GPC6: variants seen among roughly 807,000 people sequenced by gnomAD.
GPC6 encodes the protein glypican-6.
In GPC6, 14 loss-of-function variants were observed where a neutral mutation model predicts 55.2. The observed-to-expected ratio is 0.25, with a 90% CI of 0.17 to 0.40. The LOEUF is 0.40. Among genes scored for constraint, GPC6 ranks in the 10% least tolerant of loss-of-function variants. The probability of loss-of-function intolerance (pLI) is 1.00; values close to 1 mark genes in which losing one functional copy is unlikely to be tolerated. For missense variants in GPC6, 641 were observed against 708.5 expected (o/e 0.90, Z 1.08); for synonymous variants, 278 against 259.6 (o/e 1.07, Z -0.68).
intron 5 of GPC6, among the ~76,000 whole-genome samples, chr13:94,293,443 A>C (rs1468779619): frequency 6.6e-6 from 1 of 152,040 alleles, no homozygotes; most frequent in Non-Finnish European, 1.5e-5. Context: ...CATATAAGAC[A>C]CGCCTGCTTC....
chr13:94,263,740 T>G (rs1891715843), intron 4 of GPC6, among the ~76,000 whole-genome samples: 1 of 152,124 alleles, frequency 6.6e-6, no homozygotes, highest in Non-Finnish European at 1.5e-5. Context: ...TTCCTTTACT[T>G]GTGTGAAGTC....
At chr13:93,381,432 A>G (rs1025302877) in intron 1 of GPC6, among the ~76,000 whole-genome samples, 1 of 152,176 alleles carries the variant, frequency 6.6e-6, no homozygotes. Flanking sequence ...TAATATGCCA[A>G]ATTTTAAATC....
chr13:94,368,193 T>G (rs1879372473), intron 6 of GPC6, among the ~76,000 whole-genome samples: 1 of 148,662 alleles, frequency 6.7e-6, no homozygotes, highest in African/African-American at 2.5e-5. Context: ...AAAATATATG[T>G]CATGTGGAAA....
chr13:93,835,475 C>T (rs138002093), intron 3 of GPC6, among the ~76,000 whole-genome samples: 2 of 152,082 alleles, frequency 1.3e-5, no homozygotes, highest in African/African-American at 4.8e-5. Flanking sequence ...GACTTCTGGC[C>T]AGGCGCAGGG....
intron 4 of GPC6, among the ~76,000 whole-genome samples, chr13:94,199,646 T>C (rs1889690544): frequency 6.6e-6 from 1 of 152,172 alleles, no homozygotes. Flanking sequence ...AGCAGTTCTT[T>C]TTCATAGAGT....
intron 2 of GPC6, among the ~76,000 whole-genome samples, chr13:93,768,362 C>A (rs1885188293): frequency 1.3e-5 from 2 of 152,176 alleles, no homozygotes; most frequent in African/African-American, 4.8e-5. Flanking sequence ...CAAGTTTACC[C>A]ATTCCATAGC....
At chr13:93,851,706 T>C (rs1235455352) in intron 3 of GPC6, among the ~76,000 whole-genome samples, 1 of 151,914 alleles carries the variant, frequency 6.6e-6, no homozygotes, top group African/African-American at 2.4e-5. Flanking sequence ...ATTATGTTTG[T>C]ATTTACTCTA....
At position 93,647,625 on chromosome 13, in the gene GPC6, T is replaced by C. The variant is rs572277162; in HGVS notation, c.319+102204T>C. ...GGCCTGGGTCATCCCTTTGTGCTCA[T>C]GGGATCCTGCCCATCATGGTCACTA... is the stretch of plus-strand genomic sequence containing the variant. On this transcript the variant is annotated intron_variant, in intron 2 of 8. Transcript: ENST00000377047. Among the ~76,000 whole-genome samples, 3 of 152,304 alleles carry C rather than the reference T, an allele frequency of 2.0e-5. No individual in the cohort carries two copies. The East Asian group carries it at 5.8e-4, about 29-fold the overall frequency.
At chr13:94,288,291 C>G (rs2139087063) in intron 5 of GPC6, among the ~76,000 whole-genome samples, 1 of 152,080 alleles carries the variant, frequency 6.6e-6, no homozygotes, top group East Asian at 1.9e-4. Flanking sequence ...TTCAAGGAAC[C>G]TCAGTTTCTC....
chr13:93,353,035 G>A (rs1215079989), intron 1 of GPC6, among the ~76,000 whole-genome samples: 4 of 152,112 alleles, frequency 2.6e-5, no homozygotes, highest in South Asian at 2.1e-4. Flanking sequence ...ACAGGCCAAG[G>A]TGTTAACAAG....
intron 3 of GPC6, among the ~76,000 whole-genome samples, chr13:93,956,952 A>C (rs983369720): frequency 6.6e-6 from 1 of 152,156 alleles, no homozygotes; most frequent in Admixed American, 6.5e-5. Context: ...CTTGAAAACT[A>C]TTGTACAAAT....
At chr13:93,809,299 A>G (rs1347495293) in intron 2 of GPC6, among the ~76,000 whole-genome samples, 1 of 152,228 alleles carries the variant, frequency 6.6e-6, no homozygotes, top group East Asian at 1.9e-4. Context: ...GTGAATCAGG[A>G]AGAAGAGAAG....
intron 5 of GPC6, among the ~76,000 whole-genome samples, chr13:94,302,897 G>A (rs1202612821): frequency 1.3e-5 from 2 of 152,234 alleles, no homozygotes; most frequent in Non-Finnish European, 2.9e-5. Flanking sequence ...GAAGAGAACC[G>A]TGGAATCCAG....
intron 6 of GPC6, among the ~76,000 whole-genome samples, chr13:94,308,330 G>A (rs1876063384): frequency 6.6e-6 from 1 of 152,124 alleles, no homozygotes; most frequent in Non-Finnish European, 1.5e-5. Context: ...AAAATCTGAT[G>A]GACATGAAAA....
At chr13:93,836,477 CA>C (rs1887736079) in intron 3 of GPC6, among the ~76,000 whole-genome samples, 1 of 152,040 alleles carries the variant, frequency 6.6e-6, no homozygotes, top group Admixed American at 6.6e-5. Context: ...AACACAATCA[CA>C]AAAAGGCCTT....
chr13:94,208,530 A>C (rs1049967536), intron 4 of GPC6, among the ~76,000 whole-genome samples: 2 of 152,104 alleles, frequency 1.3e-5, no homozygotes, highest in African/African-American at 4.8e-5. Flanking sequence ...AGGGAGAAAG[A>C]ACTCCATGCA....
chr13:93,711,330 C>T (rs193009403), intron 2 of GPC6, among the ~76,000 whole-genome samples: 79 of 151,716 alleles, frequency 5.2e-4, no homozygotes, highest in Non-Finnish European at 5.2e-4. Flanking sequence ...GGGGAACTCC[C>T]GTTCATAAAA....
intron 1 of GPC6, among the ~76,000 whole-genome samples, chr13:93,267,187 T>A (rs1877352104): frequency 2.0e-5 from 3 of 152,186 alleles, no homozygotes. Flanking sequence ...AAGATTTACT[T>A]CTTAGGATCT....
intron 3 of GPC6, among the ~76,000 whole-genome samples, chr13:93,956,616 A>G (rs1182860983): frequency 6.6e-6 from 1 of 152,234 alleles, no homozygotes; most frequent in Non-Finnish European, 1.5e-5. Context: ...GACACCATCA[A>G]TTAATCAAAC....
Sources: gnomAD v4.1 joint callset for allele counts (sites outside exome capture counted in the v4.1 genomes callset) on GRCh38, gnomAD v4.1.1 for gene constraint, MANE v1.5 for transcripts, NCBI Gene and HGNC (gene_info 2026-07-23, HGNC 2026-07-21) for gene names.